Variants in PTPRA observed in about 807,000 individuals in gnomAD.
The protein encoded by PTPRA is protein tyrosine phosphatase receptor type A.
In PTPRA, 25 loss-of-function variants were observed where a neutral mutation model predicts 104.8. That is an observed-to-expected ratio of 0.24 (90% CI 0.17 to 0.33). The LOEUF (loss-of-function observed/expected upper bound fraction) is 0.33. Among genes scored for constraint, PTPRA ranks in the 10% least tolerant of loss-of-function variants. The probability of loss-of-function intolerance (pLI) is 1.00; values close to 1 mark genes in which losing one functional copy is unlikely to be tolerated. For missense variants in PTPRA, 765 were observed against 1,015.3 expected, an observed-to-expected ratio of 0.75 and a Z score of 3.35; for synonymous variants, 323 against 368.9, an observed-to-expected ratio of 0.88 and a Z score of 1.43.
At chr20:2,919,342 ATAAGT>A (rs1317238118) in intron 1 of PTPRA, among the ~76,000 whole-genome samples, 1 of 152,208 alleles carries the variant, frequency 6.6e-6, no homozygotes, top group Non-Finnish European at 1.5e-5. Context: ...AGGTTCAGTA[ATAAGT>A]TAAACTAAAA....
At chr20:3,028,467 C>G (rs57515603) in intron 20 of PTPRA, among the ~76,000 whole-genome samples, 8,419 of 152,246 alleles carry the variant, frequency 0.055, 738 homozygotes, top group African/African-American at 0.19. Flanking sequence ...TCAACTTCCT[C>G]TCAGTATAGG....
At chr20:2,949,511 T>C (rs1386619941) in intron 3 of PTPRA, among the ~76,000 whole-genome samples, 1 of 152,048 alleles carries the variant, frequency 6.6e-6, no homozygotes, top group African/African-American at 2.4e-5. Context: ...CAGCCTGGTC[T>C]TGAACTCCTG....
At chr20:2,968,950 G>C (rs1320182890) in intron 5 of PTPRA, among the ~76,000 whole-genome samples, 1 of 152,112 alleles carries the variant, frequency 6.6e-6, no homozygotes, top group Non-Finnish European at 1.5e-5. Flanking sequence ...GCTCACTCCT[G>C]TAATCCCAGC....
At chr20:2,883,876 G>C (rs997481033) in intron 1 of PTPRA, among the ~76,000 whole-genome samples, 1 of 152,082 alleles carries the variant, frequency 6.6e-6, no homozygotes, top group African/African-American at 2.4e-5. Context: ...AAGAGACCCT[G>C]CACCCATTAG....
chr20:2,975,989 C>T (rs2062416509), intron 6 of PTPRA, among the ~76,000 whole-genome samples: 1 of 152,066 alleles, frequency 6.6e-6, no homozygotes, highest in Non-Finnish European at 1.5e-5. Flanking sequence ...TTTAACCATA[C>T]ACAATTTTCC....
At chr20:3,024,291 CA>C (rs2065029740) in intron 16 of PTPRA, among the ~76,000 whole-genome samples, 180 bp from the exon 17 acceptor site, 1 of 152,140 alleles carries the variant, frequency 6.6e-6, no homozygotes, top group Admixed American at 6.6e-5. Context: ...AAAGCACCCC[CA>C]CAGGGACTCC....
chr20:3,000,442 A>G (rs900512271), intron 9 of PTPRA, among the ~76,000 whole-genome samples: 2 of 152,204 alleles, frequency 1.3e-5, no homozygotes, highest in Non-Finnish European at 2.9e-5. Context: ...GACAGTAGCA[A>G]ATGTTGATAA....
intron 9 of PTPRA, among the ~76,000 whole-genome samples, chr20:3,004,848 T>G (rs1224623252): frequency 6.6e-6 from 1 of 152,188 alleles, no homozygotes; most frequent in Non-Finnish European, 1.5e-5. Context: ...CCCCTGAGGA[T>G]TCTTGTGTTG....
At chr20:2,873,261 C>G (rs1057340662), upstream of PTPRA, among the ~76,000 whole-genome samples, 19 of 152,182 alleles carry the variant, frequency 1.2e-4, no homozygotes, top group African/African-American at 3.4e-4. The surrounding 1 kb of genome is among the most constrained non-coding windows in gnomAD (Gnocchi z 4.4). Flanking sequence ...GCAGCCGGTC[C>G]TTCCGGGGTC....
intron 1 of PTPRA, among the ~76,000 whole-genome samples, chr20:2,900,039 G>C (rs987498038): frequency 6.6e-6 from 1 of 152,206 alleles, no homozygotes; most frequent in African/African-American, 2.4e-5. Flanking sequence ...GAACCCAGGA[G>C]GTGGGGGCTG....
At chr20:2,943,216 C>CCA (rs1555804521) in intron 2 of PTPRA, among the ~76,000 whole-genome samples, 1 of 143,564 alleles carries the variant, frequency 7.0e-6, no homozygotes, top group African/African-American at 2.6e-5. Context: ...TCCCCCCACC[C>CCA]CCCCCCCAGA....
At chr20:3,013,497 C>T (rs1026621216) in intron 11 of PTPRA, among the ~76,000 whole-genome samples, 5 of 151,442 alleles carry the variant, frequency 3.3e-5, no homozygotes, top group Admixed American at 3.3e-4. Context: ...ACTACAACCT[C>T]TGCATCCGGG....
intron 1 of PTPRA, among the ~76,000 whole-genome samples, chr20:2,911,985 A>G (rs554022788): frequency 7.2e-5 from 11 of 152,244 alleles, no homozygotes; most frequent in South Asian, 2.1e-4. Context: ...ACTCAGGCCT[A>G]TAATCCCAGT....
In PTPRA at chr20:3,027,743, G is replaced by A; in HGVS notation, c.1822G>A (p.Gly608Ser). The stretch of plus-strand genomic sequence containing the variant: ...GAAGGACTCCTATATCGCCAGCCAG[G>A]GCCCTCTTCTCCACACAATTGAGGA... ...RQKDSYIASQ[G>S]PLLHTIEDFW... Residue 608 changes from glycine (G) to serine (S), a missense_variant, in exon 20 of 24, where the codon GGC (glycine) becomes AGC (serine). By Grantham distance (56) the Gly-to-Ser change is moderately conservative. Coordinates refer to ENST00000399903, the MANE Select transcript of PTPRA (RefSeq NM_001385305.1). The A allele has an allele frequency of 6.2e-7, 1 of 1,614,118 alleles. No individual in the cohort carries two copies. The highest frequency in any genetic ancestry group is 8.5e-7 in the Non-Finnish European group (1 of 1,180,012).
chr20:2,873,366 G>A (rs1025280612), upstream of PTPRA: 1 of 152,270 alleles, frequency 6.6e-6, no homozygotes, highest in Non-Finnish European at 1.5e-5. This position sits in a 1 kb window ranked among gnomAD's most constrained non-coding sequence, Gnocchi z 4.4. Flanking sequence ...CGGCAAGTGA[G>A]CGCCCAGCGG....
At chr20:2,889,350 A>G (rs1353956673) in intron 1 of PTPRA, among the ~76,000 whole-genome samples, 1 of 152,218 alleles carries the variant, frequency 6.6e-6, no homozygotes, top group Non-Finnish European at 1.5e-5. Context: ...GATGTTTAAA[A>G]TACATTTACA....
At chr20:2,880,483 A>G (rs1202584938) in intron 1 of PTPRA, among the ~76,000 whole-genome samples, 1 of 152,196 alleles carries the variant, frequency 6.6e-6, no homozygotes, top group African/African-American at 2.4e-5. Context: ...ACCAGTTCTC[A>G]TTGAACTAGC....
intron 1 of PTPRA, among the ~76,000 whole-genome samples, chr20:2,896,411 C>A (rs933237504): frequency 1.3e-5 from 2 of 152,040 alleles, no homozygotes; most frequent in African/African-American, 4.8e-5. Flanking sequence ...CGAAAACACA[C>A]ACACGCAAAG....
intron 1 of PTPRA, among the ~76,000 whole-genome samples, chr20:2,899,860 A>C (rs1039609802): frequency 3.9e-5 from 6 of 152,230 alleles, no homozygotes; most frequent in South Asian, 2.1e-4. Context: ...TAATCCCAGC[A>C]CTTTGGGAGG....
Sources: gnomAD v4.1 joint callset for allele counts (sites outside exome capture counted in the v4.1 genomes callset) on GRCh38, gnomAD v4.1.1 for gene constraint, Gnocchi (gnomAD v3.1) non-coding constraint, MANE v1.5 for transcripts, NCBI Gene and HGNC (gene_info 2026-07-23, HGNC 2026-07-21) for gene names.